CRACDL: variants seen among roughly 807,000 people sequenced by gnomAD.
The protein encoded by CRACDL is CRACD-like protein.
A neutral mutation model predicts 70.6 loss-of-function variants in CRACDL; 26 were observed. The ratio of observed to expected loss-of-function variants is 0.37; its 90% CI spans 0.27 to 0.51. The LOEUF (loss-of-function observed/expected upper bound fraction) is 0.51, where lower values mean the gene tolerates loss of function less well. CRACDL is among the 20% of genes least tolerant of loss of function. The pLI, the probability that CRACDL is intolerant of heterozygous loss-of-function variation, is 0.94. For missense variants in CRACDL, 1,283 were observed against 1,376.9 expected, an observed-to-expected ratio of 0.93 and a Z score of 1.08; for synonymous variants, 618 against 615.2, an observed-to-expected ratio of 1.00 and a Z score of -0.07.
At chr2:98,801,052 C>T (rs999555272) in intron 7 of CRACDL, among the ~76,000 whole-genome samples, 2 of 152,200 alleles carry the variant, frequency 1.3e-5, no homozygotes, top group Admixed American at 6.5e-5. Context: ...ATAGCAGCAT[C>T]GCCAAGCACT....
chr2:98,880,771 G>A (rs114285597), intron 1 of CRACDL, among the ~76,000 whole-genome samples: 2,712 of 152,278 alleles, frequency 0.018, 87 homozygotes, highest in African/African-American at 0.061. Flanking sequence ...AATGGGTCCC[G>A]AGGGAAGGCA....
rs1419559176 is a variant in CRACDL at position 98,832,413 on chromosome 2, C to T, written c.475G>A (p.Gly159Arg). Residue 159 changes from glycine (G) to arginine (R), a missense_variant, in exon 5 of 10, where the codon GGG becomes AGG. Gly to Arg is a moderately radical substitution (Grantham distance 125, BLOSUM62 -2). Around this residue, in one of 2 missense-constraint regions of CRACDL, gnomAD observed 362 missense variants for 495.0 expected, o/e 0.73. Coordinates refer to ENST00000397899, the MANE Select transcript of CRACDL (RefSeq NM_207362.3). ...ATCTCTGGGGGGCTCCTGGGCAGCCCGTCGTCCTCAGAGCTCATGCCGGCA... is the reference window on the plus strand; with the variant it reads ...ATCTCTGGGGGGCTCCTGGGCAGCCTGTCGTCCTCAGAGCTCATGCCGGCA... ...EDAGMSSEDDGLPRSPPEMSL... is the reference protein window; with the variant it reads ...EDAGMSSEDDRLPRSPPEMSL... The T allele has an allele frequency of 6.2e-6, 10 of 1,614,142 alleles. No individual in the cohort carries two copies. The highest frequency in any genetic ancestry group is 2.2e-5 in the East Asian group (1 of 44,866).
At chr2:98,812,389 G>A (rs1483764527) in intron 7 of CRACDL, among the ~76,000 whole-genome samples, 1 of 152,206 alleles carries the variant, frequency 6.6e-6, no homozygotes, top group Non-Finnish European at 1.5e-5. Flanking sequence ...TGGGTCATAA[G>A]CATATTTTTA....
intron 6 of CRACDL, among the ~76,000 whole-genome samples, chr2:98,826,337 T>G (rs1705300886): frequency 1.3e-5 from 2 of 152,204 alleles, no homozygotes; most frequent in Admixed American, 6.5e-5. Context: ...ATTCACTCAT[T>G]TGTTTGTTCA....
intron 1 of CRACDL, 88 bp downstream of exon 1, chr2:98,935,834 CCCCTAGCCCCGGCCCG>C (rs1431111683): frequency 6.6e-6 from 1 of 152,204 alleles, no homozygotes; most frequent in Non-Finnish European, 1.5e-5. Flanking sequence ...TGCCCTCGAC[CCCCTAGCCCCGGCCCG>C]CCCCACCTCC....
intron 1 of CRACDL, among the ~76,000 whole-genome samples, chr2:98,867,458 C>T (rs1037589887): frequency 6.6e-6 from 1 of 152,096 alleles, no homozygotes; most frequent in Non-Finnish European, 1.5e-5. Context: ...ATAACAGCGA[C>T]CTGTTTACAC....
At chr2:98,867,351 A>G (rs910933568) in intron 1 of CRACDL, among the ~76,000 whole-genome samples, 2 of 152,218 alleles carry the variant, frequency 1.3e-5, no homozygotes, top group African/African-American at 4.8e-5. Flanking sequence ...TACTCTATAT[A>G]TGCACACATG....
chr2:98,847,175 C>T (rs1706296275), intron 1 of CRACDL, among the ~76,000 whole-genome samples: 1 of 152,144 alleles, frequency 6.6e-6, no homozygotes, highest in Non-Finnish European at 1.5e-5. Context: ...GAAAATCACC[C>T]ATAATCCAAC....
At chr2:98,892,633 T>C (rs376616567) in intron 1 of CRACDL, among the ~76,000 whole-genome samples, 1 of 151,636 alleles carries the variant, frequency 6.6e-6, no homozygotes, top group South Asian at 2.1e-4. Context: ...GAGGTTGCAG[T>C]GAGCCAAGAT....
At chr2:98,870,718 T>A (rs1447421114) in intron 1 of CRACDL, among the ~76,000 whole-genome samples, 2 of 152,194 alleles carry the variant, frequency 1.3e-5, no homozygotes, top group Non-Finnish European at 2.9e-5. Context: ...CAGTGGCAAT[T>A]CCACCCCATT....
chr2:98,797,767 G>A (rs1410981384), intron 7 of CRACDL, among the ~76,000 whole-genome samples: 1 of 152,200 alleles, frequency 6.6e-6, no homozygotes, highest in Non-Finnish European at 1.5e-5. Flanking sequence ...TATAGGGTCG[G>A]TGTGTACTTT....
At chr2:98,893,039 A>G (rs1053318619) in intron 1 of CRACDL, among the ~76,000 whole-genome samples, 2 of 151,834 alleles carry the variant, frequency 1.3e-5, no homozygotes, top group African/African-American at 4.8e-5. Flanking sequence ...CCCTGACATC[A>G]CCCCTTGCAG....
Position 98,832,972 on chromosome 2 carries a change from G to A in CRACDL, c.265C>T (p.Arg89Trp). 1 of 1,613,838 alleles carries A rather than the reference G, an allele frequency of 6.2e-7. No homozygotes were observed. Among genetic ancestry groups the A allele is most frequent in the Non-Finnish European group, 8.5e-7 (1 of 1,179,828 alleles). ...LEESRGTLGS[R>W]ALSHDSIFIP... ...AAAATACTGTCGTGAGAAAGGGCCC[G>A]GCTGCCCAGCGTGCCCCTCGACTCC... Residue 89 changes from arginine (R) to tryptophan (W), a missense_variant, in exon 4 of 10, where the codon CGG becomes TGG. Coordinates refer to ENST00000397899, the MANE Select transcript of CRACDL (RefSeq NM_207362.3).
intron 1 of CRACDL, among the ~76,000 whole-genome samples, chr2:98,924,590 A>G (rs1274631676): frequency 2.6e-5 from 4 of 152,186 alleles, no homozygotes; most frequent in African/African-American, 9.7e-5. Flanking sequence ...GTGAAGAAGG[A>G]CTTAACAGCC....
At chr2:98,905,410 C>T (rs1385017966) in intron 1 of CRACDL, among the ~76,000 whole-genome samples, 2 of 152,164 alleles carry the variant, frequency 1.3e-5, no homozygotes, top group Non-Finnish European at 2.9e-5. Flanking sequence ...CTGTAGTCTG[C>T]AGAACCATGA....
rs1573220308 is a variant in CRACDL, at chr2:98,933,993, G to A, written c.-11+1945C>T. Among the ~76,000 whole-genome samples the A allele has an allele frequency of 2.6e-5, 4 of 152,204 alleles. No individual in the cohort carries two copies. The South Asian group carries it at 6.2e-4, about 24-fold the overall frequency. ...TGTCCTCACATGGTGGAAGGGACGAGCGAGCTCCTTGCGCTTCTTTTATAA... is the reference window on the plus strand; with the variant it reads ...TGTCCTCACATGGTGGAAGGGACGAACGAGCTCCTTGCGCTTCTTTTATAA... On this transcript the variant is annotated intron_variant, in intron 1 of 9. Transcript: ENST00000397899.
chr2:98,904,102 A>C (rs1708348962), intron 1 of CRACDL, among the ~76,000 whole-genome samples: 1 of 152,252 alleles, frequency 6.6e-6, no homozygotes, highest in Non-Finnish European at 1.5e-5. Context: ...AGGACAGGGT[A>C]AAATGATCCC....
At chr2:98,808,500 A>G (rs1704417464) in intron 7 of CRACDL, among the ~76,000 whole-genome samples, 1 of 152,150 alleles carries the variant, frequency 6.6e-6, no homozygotes, top group African/African-American at 2.4e-5. Flanking sequence ...TGGGGACAAC[A>G]GTGCCCAGCT....
At chr2:98,905,259 A>AG (rs1558633223) in intron 1 of CRACDL, among the ~76,000 whole-genome samples, 2 of 116,280 alleles carry the variant, frequency 1.7e-5, no homozygotes, top group African/African-American at 4.1e-5. Context: ...CAAAAAAAAA[A>AG]AAAAAAAGAG....
Sources: allele counts gnomAD v4.1 joint callset (sites outside exome capture counted in the v4.1 genomes callset), GRCh38; gene constraint gnomAD v4.1.1; regional missense constraint gnomAD v4.1.1; transcripts MANE v1.5; gene names NCBI Gene and HGNC (gene_info 2026-07-23, HGNC 2026-07-21).